The following LMTK2 variants were observed in gnomAD, a reference collection of about 807,000 sequenced individuals.
LMTK2 encodes the protein serine/threonine-protein kinase LMTK2.
Under a neutral mutation model 127.5 loss-of-function variants are expected in LMTK2, and 37 were observed. That is an observed-to-expected ratio of 0.29 (90% CI 0.22 to 0.38). The LOEUF (loss-of-function observed/expected upper bound fraction) is 0.38, where lower values mean the gene tolerates loss of function less well. Among genes scored for constraint, LMTK2 ranks in the 10% least tolerant of loss-of-function variants. LMTK2 has a pLI of 1.00. For missense variants in LMTK2, 1,694 were observed against 1,920.3 expected, an observed-to-expected ratio of 0.88 and a Z score of 2.20; for synonymous variants, 819 against 810.1, an observed-to-expected ratio of 1.01 and a Z score of -0.19.
Position 98,141,532 on chromosome 7 carries a change from CCTT to C in LMTK2, c.370_372del (p.Ser124del), listed in dbSNP as rs1307557838. The C allele has an allele frequency of 6.2e-7, 1 of 1,613,988 alleles. No homozygotes were observed. Among genetic ancestry groups the C allele is most frequent in the East Asian group, 2.2e-5 (1 of 44,892 alleles). On this transcript the variant is annotated inframe_deletion, in exon 3 of 14. Coordinates refer to ENST00000297293, the MANE Select transcript of LMTK2 (RefSeq NM_014916.4). ...ACTCCCAGCTCCCTCGCAATTCCAG[CCTT>C]CTGTAGGTAAGACCATACAGCCTAA...
At chr7:98,148,302 C>T (rs1485696764) in intron 3 of LMTK2, among the ~76,000 whole-genome samples, 1 of 151,660 alleles carries the variant, frequency 6.6e-6, no homozygotes, top group Non-Finnish European at 1.5e-5. Flanking sequence ...CCAGCCTGCC[C>T]AACATGGAGA....
chr7:98,137,452 G>A lies in LMTK2; in HGVS notation c.231+10G>A. 6.2e-7 allele frequency: 1 copy of A among 1,609,878 alleles called. No individual in the cohort carries two copies. ...AGAAATAGACTTTAAGGTGAGCACA[G>A]AGGGTAGGAACATTTAAAATGGTCT... On this transcript the variant is annotated intron_variant, in intron 2 of 13. Transcript: ENST00000297293.
intron 6 of LMTK2, among the ~76,000 whole-genome samples, chr7:98,163,916 C>G (rs566366391): frequency 6.6e-6 from 1 of 152,352 alleles, no homozygotes; most frequent in African/African-American, 2.4e-5. Flanking sequence ...CCGGCTATCG[C>G]TGCCTGTCTT....
intron 6 of LMTK2, among the ~76,000 whole-genome samples, chr7:98,164,367 A>G (rs903510647): frequency 1.3e-5 from 2 of 152,338 alleles, no homozygotes; most frequent in Admixed American, 6.5e-5. Flanking sequence ...TAAGGAACAC[A>G]GAAGTGAATA....
At position 98,193,350 on chromosome 7, in the gene LMTK2, C is replaced by T; in HGVS notation, c.2885C>T (p.Ala962Val). 1 of 1,614,188 alleles carries T rather than the reference C, an allele frequency of 6.2e-7. No homozygotes were observed. The highest frequency in any genetic ancestry group is 1.1e-5 in the South Asian group (1 of 91,078). ...AATTCTAAAGACGCAGCAAAAGAAG[C>T]AGGCTTGGTGTCTGCCCTCTCCTCG... ...QLNSKDAAKE[A>V]GLVSALSSDS... Residue 962 changes from alanine to valine, a missense_variant, in exon 11 of 14, where the codon GCA becomes GTA. Physicochemically the swap from Ala to Val is moderately conservative, Grantham distance 64. Coordinates refer to ENST00000297293, the MANE Select transcript of LMTK2 (RefSeq NM_014916.4). The surrounding 1 kb of genome is among the most constrained non-coding windows in gnomAD (Gnocchi z 4.1).
Position 98,208,907 on chromosome 7 carries a change from C to T in LMTK2, c.*3415C>T, listed in dbSNP as rs1447341835. 6.6e-6 allele frequency: 1 copy of T among 152,230 alleles called. No homozygotes were observed. The highest frequency in any genetic ancestry group is 2.4e-5 in the African/African-American group (1 of 41,460). The allele number at this position is 152,230 out of a possible 1,614,324, so 9.4% of individuals were successfully genotyped here. ...CTGCTGTAAAAGGCCTTTCCAAACC[C>T]CTCCTTTTATTCCTGTTTCCCGAAA... On this transcript the variant is annotated 3_prime_UTR_variant, in exon 14 of 14. Coordinates refer to ENST00000297293, the MANE Select transcript of LMTK2 (RefSeq NM_014916.4).
At chr7:98,158,546 C>G (rs1234847126) in intron 5 of LMTK2, among the ~76,000 whole-genome samples, 2 of 151,374 alleles carry the variant, frequency 1.3e-5, no homozygotes, top group Non-Finnish European at 2.9e-5. Context: ...GGTTCTGTGT[C>G]CATGGATTCA....
chr7:98,139,361 C>T (rs376617180), intron 2 of LMTK2, among the ~76,000 whole-genome samples: 7 of 152,134 alleles, frequency 4.6e-5, no homozygotes, highest in East Asian at 3.9e-4. Context: ...GTGATCCTCC[C>T]GCCTCTGCCT....
At chr7:98,110,667 A>G (rs1796188951) in intron 1 of LMTK2, among the ~76,000 whole-genome samples, 2 of 152,182 alleles carry the variant, frequency 1.3e-5, no homozygotes, top group African/African-American at 4.8e-5. Context: ...ATAAAGAAAG[A>G]TCTTGTATAT....
rs1291383432 is a variant in LMTK2 at position 98,207,600 on chromosome 7, C to T, written c.*2108C>T. On this transcript the variant is annotated 3_prime_UTR_variant, in exon 14 of 14. Coordinates refer to ENST00000297293, the MANE Select transcript of LMTK2 (RefSeq NM_014916.4). ...TTGCTGTGGGGACTTCCTGAGTTTT[C>T]TCAGTTTTTACATCTAAGATTAGTC... 6.6e-6 allele frequency: 1 copy of T among 151,256 alleles called. No individual in the cohort carries two copies. Among genetic ancestry groups the T allele is most frequent in the African/African-American group, 2.4e-5 (1 of 41,104 alleles). 9.4% of individuals were successfully genotyped at this position (151,256 alleles called of 1,614,324 possible).
chr7:98,149,499 C>T (rs558605413), intron 3 of LMTK2, among the ~76,000 whole-genome samples: 14 of 152,302 alleles, frequency 9.2e-5, no homozygotes, highest in South Asian at 2.1e-4. Context: ...CTGCTGTCAC[C>T]GTTTCCACTG....
intron 1 of LMTK2, among the ~76,000 whole-genome samples, chr7:98,119,117 C>T (rs1046252995): frequency 8.0e-5 from 12 of 149,674 alleles, no homozygotes; most frequent in Non-Finnish European, 1.3e-4. Context: ...AAAAGAAATG[C>T]AGATTTCTGG....
chr7:98,128,924 T>G (rs1796480819), intron 1 of LMTK2, among the ~76,000 whole-genome samples: 1 of 152,182 alleles, frequency 6.6e-6, no homozygotes, highest in Admixed American at 6.5e-5. Flanking sequence ...TGGGTACATG[T>G]TTGTGGGAGT....
At chr7:98,141,376 G>A in intron 2 of LMTK2, 21 bp from the exon 3 acceptor site, 1 of 1,609,274 alleles carries the variant, frequency 6.2e-7, no homozygotes, top group Non-Finnish European at 8.5e-7. Context: ...GGTTTTTAAT[G>A]CTTGCTCTCT....
chr7:98,151,518 A>C (rs1796855093), intron 4 of LMTK2, 63 bp downstream of exon 4: 2 of 1,315,970 alleles, frequency 1.5e-6, no homozygotes, highest in African/African-American at 1.5e-5. Flanking sequence ...TGCAGGGCTG[A>C]TGAAGAATTG....
rs1797189842 is a variant in LMTK2 at position 98,171,485 on chromosome 7, G to A, written c.658-56G>A. On this transcript the variant is annotated intron_variant, in intron 6 of 13. Transcript: ENST00000297293. This position sits in a 1 kb window ranked among gnomAD's most constrained non-coding sequence, Gnocchi z 5.1. ...AGTGTTCACCGAGGCACGTATTTAA[G>A]CGCTCACTTTATTCCTGTGGCTCGT... 1 of 1,612,138 alleles carries A rather than the reference G, an allele frequency of 6.2e-7. No homozygotes were observed. Among genetic ancestry groups the A allele is most frequent in the African/African-American group, 1.3e-5 (1 of 74,898 alleles).
At chr7:98,139,184 T>G (rs1369378528) in intron 2 of LMTK2, among the ~76,000 whole-genome samples, 2 of 152,144 alleles carry the variant, frequency 1.3e-5, no homozygotes, top group African/African-American at 2.4e-5. Context: ...GGATCACACT[T>G]CACTACAGCC....
Position 98,148,520 on chromosome 7 carries a change from TAATA to T in LMTK2, c.377-2855_377-2852del, listed in dbSNP as rs1333451043. On this transcript the variant is annotated intron_variant, in intron 3 of 13. Transcript: ENST00000297293. The stretch of plus-strand genomic sequence containing the variant: ...AAAAAAAAAAAAATAATAATAATAA[TAATA>T]AATAAAAATAAAAAATAAAGTCTTG... 2.0e-4 allele frequency among the ~76,000 whole-genome samples: 30 copies of T among 150,156 alleles called. No individual in the cohort carries two copies. In the East Asian group the frequency reaches 3.3e-3, roughly 17 times the overall value.
intron 7 of LMTK2, among the ~76,000 whole-genome samples, chr7:98,172,302 CTTTT>C (rs397948033): frequency 1.6e-5 from 2 of 127,846 alleles, no homozygotes. Flanking sequence ...GACCATAGTT[CTTTT>C]TTTTTTTTTT....
Sources: allele counts gnomAD v4.1 joint callset (sites outside exome capture counted in the v4.1 genomes callset), GRCh38; gene constraint gnomAD v4.1.1; non-coding constraint Gnocchi (gnomAD v3.1); transcripts MANE v1.5; gene names NCBI Gene and HGNC (gene_info 2026-07-23, HGNC 2026-07-21).